Variants in KCNU1 observed in about 807,000 individuals in gnomAD.
KCNU1 encodes the protein potassium channel subfamily U member 1.
KCNU1 carries 93 observed loss-of-function variants against 126.8 expected under a neutral mutation model. The observed-to-expected ratio is 0.73, with a 90% CI of 0.62 to 0.87. KCNU1 has a LOEUF of 0.87. Among genes scored for constraint, KCNU1 ranks in the 40% least tolerant of loss-of-function variants. The pLI is 0.00. For synonymous variants in KCNU1, 523 were observed against 494.2 expected (o/e 1.06, Z -0.77); for missense variants, 1,330 against 1,367.1 (o/e 0.97, Z 0.43).
chr8:36,806,992 G>A (rs1022844822), intron 5 of KCNU1, among the ~76,000 whole-genome samples: 3 of 152,128 alleles, frequency 2.0e-5, no homozygotes, highest in Non-Finnish European at 4.4e-5. Context: ...GTAGTTAAGG[G>A]AAATTTTGCT....
intron 10 of KCNU1, among the ~76,000 whole-genome samples, chr8:36,829,268 ATGT>A (rs1804440755): frequency 1.3e-5 from 2 of 151,958 alleles, no homozygotes; most frequent in South Asian, 4.1e-4. Flanking sequence ...AAAGTTTTTA[ATGT>A]TATTATAGTC....
intron 23 of KCNU1, 30 bp from the exon 24 acceptor site, chr8:36,922,460 T>A (rs1362468320): frequency 1.2e-6 from 2 of 1,602,090 alleles, no homozygotes; most frequent in Non-Finnish European, 1.7e-6. Flanking sequence ...CTGATCTGCT[T>A]GTCTTTCCTT....
rs140803756 is a variant in KCNU1 at position 36,915,082 on chromosome 8, T to C, written c.2522-3741T>C. ...ATTTTCATACAGCTGCTTCAGCTGA[T>C]GTGATTGTGTCTGTACCCGATTAGA... On this transcript the variant is annotated intron_variant, in intron 22 of 26. Transcript: ENST00000399881. 1.4e-3 allele frequency among the ~76,000 whole-genome samples: 208 copies of C among 152,322 alleles called. 4 individuals carry two copies. The East Asian group carries it at 0.038, about 28-fold the overall frequency.
chr8:36,895,928 A>C (rs1160948487), intron 19 of KCNU1, among the ~76,000 whole-genome samples: 1 of 152,014 alleles, frequency 6.6e-6, no homozygotes, highest in Non-Finnish European at 1.5e-5. Context: ...ATTATTATAG[A>C]ATCTTATGCT....
chr8:36,841,034 G>GGTT, intron 16 of KCNU1, 31 bp downstream of exon 16: 1 of 562,564 alleles, frequency 1.8e-6, no homozygotes, highest in South Asian at 2.5e-5. Context: ...CTCTTCAGTT[G>GGTT]TTTTTTTTTT....
chr8:36,933,066 C>G (rs756719443), intron 26 of KCNU1, 34 bp downstream of exon 26: 5 of 1,256,434 alleles, frequency 4.0e-6, no homozygotes, highest in East Asian at 2.5e-5. Flanking sequence ...ACCATCCACC[C>G]ATTCAAGCAT....
intron 16 of KCNU1, among the ~76,000 whole-genome samples, chr8:36,843,178 G>A (rs2130585860): frequency 6.6e-6 from 1 of 152,146 alleles, no homozygotes; most frequent in South Asian, 2.1e-4. Context: ...TGACGGTTAG[G>A]ACATCACAGA....
chr8:36,880,008 T>C (rs1324729756), intron 19 of KCNU1, among the ~76,000 whole-genome samples: 1 of 152,226 alleles, frequency 6.6e-6, no homozygotes, highest in Non-Finnish European at 1.5e-5. Context: ...CTGCAGGCTT[T>C]ATGAATGTAT....
chr8:36,901,936 C>T (rs1440999382), intron 19 of KCNU1, among the ~76,000 whole-genome samples: 1 of 152,086 alleles, frequency 6.6e-6, no homozygotes, highest in Non-Finnish European at 1.5e-5. Flanking sequence ...TATAGCATAA[C>T]CTTTATGTTC....
chr8:36,862,564 C>A (rs188676896), intron 18 of KCNU1, among the ~76,000 whole-genome samples: 2 of 152,264 alleles, frequency 1.3e-5, no homozygotes, highest in East Asian at 3.9e-4. Flanking sequence ...CTGTCCACCC[C>A]ACACACATGC....
intron 2 of KCNU1, among the ~76,000 whole-genome samples, chr8:36,803,754 A>T (rs73676532): frequency 0.022 from 3,361 of 152,304 alleles, 139 homozygotes; most frequent in African/African-American, 0.077. Context: ...AGCAGCAGGA[A>T]GGACAAACTG....
At chr8:36,933,288 C>T (rs943324406) in intron 26 of KCNU1, among the ~76,000 whole-genome samples, 1 of 152,044 alleles carries the variant, frequency 6.6e-6, no homozygotes, top group African/African-American at 2.4e-5. Context: ...AAACACGGAG[C>T]TAGATTTTAA....
chr8:36,905,687 C>T (rs750408152), intron 19 of KCNU1, 21 bp from the exon 20 acceptor site: 1 of 1,285,772 alleles, frequency 7.8e-7, no homozygotes, highest in South Asian at 1.2e-5. Flanking sequence ...CTCAAACTAA[C>T]TCTCCATTCT....
intron 14 of KCNU1, among the ~76,000 whole-genome samples, chr8:36,840,202 C>T (rs1804898237): frequency 6.6e-6 from 1 of 152,204 alleles, no homozygotes; most frequent in South Asian, 2.1e-4. Context: ...TCACTGCCAG[C>T]AAGGAAACTT....
intron 19 of KCNU1, among the ~76,000 whole-genome samples, chr8:36,896,627 T>G (rs1026355022): frequency 7.9e-5 from 12 of 152,140 alleles, no homozygotes; most frequent in South Asian, 6.2e-4. Flanking sequence ...TGTTGGACTT[T>G]TACCCCTGGA....
chr8:36,872,105 C>G (rs1277676279), intron 19 of KCNU1, among the ~76,000 whole-genome samples: 2 of 152,172 alleles, frequency 1.3e-5, no homozygotes, highest in African/African-American at 4.8e-5. Context: ...ACCTTATCAT[C>G]ATCTTTCTCA....
intron 19 of KCNU1, among the ~76,000 whole-genome samples, chr8:36,869,981 T>G (rs765713865): frequency 4.6e-5 from 7 of 151,804 alleles, no homozygotes; most frequent in Non-Finnish European, 8.8e-5. Flanking sequence ...ACCAGCAGGG[T>G]TTTCAGTGAA....
chr8:36,828,111 T>G (rs930516244), intron 10 of KCNU1, among the ~76,000 whole-genome samples: 1 of 152,034 alleles, frequency 6.6e-6, no homozygotes, highest in African/African-American at 2.4e-5. Context: ...TCTTGTTTTT[T>G]GTTTAGAAAA....
chr8:36,841,031 G>GTTTTTT, intron 16 of KCNU1, 28 bp downstream of exon 16: 1 of 618,914 alleles, frequency 1.6e-6, no homozygotes, highest in Non-Finnish European at 2.6e-6. Context: ...CATCTCTTCA[G>GTTTTTT]TTGTTTTTTT....
Sources: gnomAD v4.1 joint callset for allele counts (sites outside exome capture counted in the v4.1 genomes callset) on GRCh38, gnomAD v4.1.1 for gene constraint, MANE v1.5 for transcripts, NCBI Gene and HGNC (gene_info 2026-07-23, HGNC 2026-07-21) for gene names.